The following SART1 variants were observed in gnomAD, a reference collection of about 807,000 sequenced individuals.
The protein encoded by SART1 is spliceosome associated factor 1, recruiter of U4/U6.U5 tri-snRNP.
A neutral mutation model predicts 105.0 loss-of-function variants in SART1; 28 were observed. That is an observed-to-expected ratio of 0.27 (90% CI 0.20 to 0.37). The LOEUF (loss-of-function observed/expected upper bound fraction) is 0.37, where lower values mean the gene tolerates loss of function less well. SART1 is among the 10% of genes least tolerant of loss of function. The probability of loss-of-function intolerance (pLI) is 1.00; values close to 1 mark genes in which losing one functional copy is unlikely to be tolerated. For synonymous variants in SART1, 472 were observed against 462.9 expected (o/e 1.02, Z -0.25); for missense variants, 894 against 1,106.5 (o/e 0.81, Z 2.72).
chr11:65,972,969 G>A (rs1855409960), intron 12 of SART1, among the ~76,000 whole-genome samples: 1 of 152,240 alleles, frequency 6.6e-6, no homozygotes, highest in East Asian at 1.9e-4. Context: ...CAGGAGATGA[G>A]ACCATCCTGG....
At position 65,978,127 on chromosome 11, in the gene SART1, G is replaced by C; in HGVS notation, c.2172+228G>C. The C allele has an allele frequency of 1.7e-6, 1 of 580,356 alleles. No homozygotes were observed. Among genetic ancestry groups the C allele is most frequent in the Non-Finnish European group, 3.1e-6 (1 of 325,942 alleles). The allele number at this position is 580,356 out of a possible 1,614,324, so 36.0% of individuals were successfully genotyped here. The stretch of plus-strand genomic sequence containing the variant: ...CAGTCTCTTTGCAAGCCTGGCAGGA[G>C]GGTCAGACAGGCACTCGGGACCTCT... On this transcript the variant is annotated intron_variant, in intron 17 of 19. Transcript: ENST00000312397. The surrounding 1 kb of genome is among the most constrained non-coding windows in gnomAD (Gnocchi z 6.8).
In SART1 at chr11:65,965,870, G is replaced by A. The variant is rs368302542; in HGVS notation, c.739-17G>A. On this transcript the variant is annotated splice_polypyrimidine_tract_variant and intron_variant, in intron 6 of 19. Transcript: ENST00000312397. Reference sequence around the variant, plus strand: ...GTGCGTGGAGGGAGGTTCCTGACTCGCCGATTCTTCCCTTAGGACCTGTAC... The same window carrying A: ...GTGCGTGGAGGGAGGTTCCTGACTCACCGATTCTTCCCTTAGGACCTGTAC... The A allele has an allele frequency of 3.0e-5, 49 of 1,613,834 alleles. No individual in the cohort carries two copies. The highest frequency in any genetic ancestry group is 3.9e-5 in the Non-Finnish European group (46 of 1,179,794).
chr11:65,967,794 A>G lies in SART1; in HGVS notation c.1545A>G (p.Leu515=). The G allele has an allele frequency of 1.9e-6, 3 of 1,547,054 alleles. No homozygotes were observed. Among genetic ancestry groups the G allele is most frequent in the Admixed American group, 2.0e-5 (1 of 50,534 alleles). ...KGRRLRQLQQ[L]QQLRDSGEKV... is the part of the protein sequence containing the mutation. ...GCCGGCTGCGACAGTTACAGCAGCT[A>G]CAGCAGCTGCGAGACAGTGGCGAGA... is the stretch of plus-strand genomic sequence containing the variant. Residue 515 remains leucine, a synonymous_variant, in exon 12 of 20, where the codon CTA becomes CTG. Transcript: ENST00000312397.
In SART1 at chr11:65,976,745, C is replaced by G. The variant is rs148286104; in HGVS notation, c.1836C>G (p.Asp612Glu). ...ENIGWSTVNLDEEKQQQDFSA... is the reference protein window; with the variant it reads ...ENIGWSTVNLEEEKQQQDFSA... Reference sequence around the variant, plus strand: ...TCGGCTGGAGCACGGTGAACCTGGACGAGGAGAAGCAGCAGCAGGATGTGA... The same window carrying G: ...TCGGCTGGAGCACGGTGAACCTGGAGGAGGAGAAGCAGCAGCAGGATGTGA... The change falls in exon 14 of 20, where the codon GAC becomes GAG. Residue 612 changes from aspartate to glutamate, a missense_variant. Asp to Glu is a conservative substitution (Grantham distance 45). Coordinates refer to ENST00000312397, the MANE Select transcript of SART1 (RefSeq NM_005146.5). The surrounding 1 kb of genome is among the most constrained non-coding windows in gnomAD (Gnocchi z 5.1). The G allele has an allele frequency of 6.8e-5, 110 of 1,611,218 alleles. No homozygotes were observed. Among genetic ancestry groups the G allele is most frequent in the Non-Finnish European group, 8.3e-5 (98 of 1,179,156 alleles).
intron 1 of SART1, among the ~76,000 whole-genome samples, chr11:65,962,388 C>G (rs1407311749): frequency 6.6e-6 from 1 of 152,216 alleles, no homozygotes; most frequent in African/African-American, 2.4e-5. Context: ...CTCCACTCAG[C>G]TGCTTGAGGA....
Position 65,976,907 on chromosome 11 carries a change from G to A in SART1, c.1858-107G>A. On this transcript the variant is annotated intron_variant, in intron 14 of 19. Coordinates refer to ENST00000312397, the MANE Select transcript of SART1 (RefSeq NM_005146.5). This position sits in a 1 kb window ranked among gnomAD's most constrained non-coding sequence, Gnocchi z 5.1. ...CCAGGGCGATCTGAGGAGTAAATGA[G>A]GAAATTAAATGTTGTGGAGGGCTGG... 1 of 1,163,196 alleles carries A rather than the reference G, an allele frequency of 8.6e-7. No individual in the cohort carries two copies. Among genetic ancestry groups the A allele is most frequent in the Non-Finnish European group, 1.3e-6 (1 of 790,274 alleles). The allele number at this position is 1,163,196 out of a possible 1,614,324, so 72.1% of individuals were successfully genotyped here. A position where few individuals can be genotyped will look rare whatever the true frequency, so the allele number is the denominator to read the frequency against.
At chr11:65,972,179 A>C (rs1184676784) in intron 12 of SART1, among the ~76,000 whole-genome samples, 1 of 152,156 alleles carries the variant, frequency 6.6e-6, no homozygotes, top group Non-Finnish European at 1.5e-5. Context: ...AATAGGGATT[A>C]TTTTGGAAGC....
intron 1 of SART1, 134 bp from the exon 2 acceptor site, chr11:65,963,940 C>A: frequency 1.4e-6 from 1 of 694,594 alleles, no homozygotes; most frequent in East Asian, 2.7e-5. Flanking sequence ...GTGGAAGAAG[C>A]TGCTGTTTTC....
chr11:65,965,402 G>A lies in SART1; in HGVS notation c.615G>A (p.Glu205=). Residue 205 remains glutamate, a synonymous_variant, in exon 5 of 20, where the codon GAG becomes GAA. Transcript: ENST00000312397. ...TGGACGACACTGCAGCCTGGATCGA[G>A]AGGAGCCGGCAGCTGCAGAAGGAGA... The part of the protein sequence containing the change: ...PWLDDTAAWI[E]RSRQLQKEKD... The A allele has an allele frequency of 6.3e-7, 1 of 1,575,594 alleles. No individual in the cohort carries two copies. Among genetic ancestry groups the A allele is most frequent in the Non-Finnish European group, 8.6e-7 (1 of 1,160,858 alleles).
At chr11:65,975,662 G>A (rs1855465946) in intron 12 of SART1, among the ~76,000 whole-genome samples, 1 of 152,032 alleles carries the variant, frequency 6.6e-6, no homozygotes, top group South Asian at 2.1e-4. Flanking sequence ...CGCCTCAGAA[G>A]ATTTTTTTAA....
In SART1 at chr11:65,966,450, G is replaced by T; in HGVS notation, c.1082G>T (p.Arg361Leu). Residue 361 changes from arginine to leucine, a missense_variant, in exon 9 of 20, where the codon CGG becomes CTG. Arg to Leu is a moderately radical substitution (Grantham distance 102, BLOSUM62 -2). Transcript: ENST00000312397. Reference protein sequence around the residue: ...LEQGGTADGLRERELEEIRAK... With the variant: ...LEQGGTADGLLERELEEIRAK... ...CAGGGCGGCACGGCTGATGGCCTGCGGGAGCGGGAGCTGGAGGAGATCCGG... is the reference window on the plus strand; with the variant it reads ...CAGGGCGGCACGGCTGATGGCCTGCTGGAGCGGGAGCTGGAGGAGATCCGG... The T allele has an allele frequency of 1.2e-6, 2 of 1,613,228 alleles. No homozygotes were observed. The highest frequency in any genetic ancestry group is 1.3e-5 in the African/African-American group (1 of 75,054).
At position 65,966,581 on chromosome 11, in the gene SART1, C is replaced by G. The variant is rs953201254; in HGVS notation, c.1188+25C>G. 8 of 1,471,508 alleles carry G rather than the reference C, an allele frequency of 5.4e-6. No individual in the cohort carries two copies. In the African/African-American group the frequency reaches 8.5e-5, roughly 16 times the overall value. 91.2% of individuals were successfully genotyped at this position (1,471,508 alleles called of 1,614,324 possible). ...GGTGAGCCCTCCCGTGCCTTATACTCGGGGTCAAGATTCTCCCTCCCTCTG... is the reference window on the plus strand; with the variant it reads ...GGTGAGCCCTCCCGTGCCTTATACTGGGGGTCAAGATTCTCCCTCCCTCTG... On this transcript the variant is annotated intron_variant, in intron 9 of 19. Coordinates refer to ENST00000312397, the MANE Select transcript of SART1 (RefSeq NM_005146.5).
At chr11:65,971,454 AGCT>A (rs1855375847) in intron 12 of SART1, among the ~76,000 whole-genome samples, 3 of 73,036 alleles carry the variant, frequency 4.1e-5, no homozygotes, top group African/African-American at 1.2e-4. Flanking sequence ...GGGATTCATG[AGCT>A]GCTGAGGAGG....
intron 12 of SART1, among the ~76,000 whole-genome samples, chr11:65,973,097 C>G (rs1855413878): frequency 2.0e-5 from 3 of 152,064 alleles, no homozygotes; most frequent in Middle Eastern, 3.4e-3. Context: ...TGGTGTGAAC[C>G]CAGGAGGCGG....
rs1286363670 is a variant in SART1 at position 65,976,046 on chromosome 11, G to A, written c.1573-349G>A. Reference sequence around the variant, plus strand: ...GTCTAGAGTCCTGAAACCGGAGTTTGTCGGGGGAGGGGCAGGTGGCAGGAG... The same window carrying A: ...GTCTAGAGTCCTGAAACCGGAGTTTATCGGGGGAGGGGCAGGTGGCAGGAG... On this transcript the variant is annotated intron_variant, in intron 12 of 19. Coordinates refer to ENST00000312397, the MANE Select transcript of SART1 (RefSeq NM_005146.5). This position sits in a 1 kb window ranked among gnomAD's most constrained non-coding sequence, Gnocchi z 5.1. 6.6e-6 allele frequency among the ~76,000 whole-genome samples: 1 copy of A among 152,122 alleles called. No individual in the cohort carries two copies. The highest frequency in any genetic ancestry group is 2.4e-5 in the African/African-American group (1 of 41,428).
In SART1 at chr11:65,978,074, T is replaced by A; in HGVS notation, c.2172+175T>A. ...GGGCCCTCAGGGCTGAGGAAGGCTGTGCCTCAGTTTGTCTCTAGTGGGCAC... is the reference window on the plus strand; with the variant it reads ...GGGCCCTCAGGGCTGAGGAAGGCTGAGCCTCAGTTTGTCTCTAGTGGGCAC... On this transcript the variant is annotated intron_variant, in intron 17 of 19. Coordinates refer to ENST00000312397, the MANE Select transcript of SART1 (RefSeq NM_005146.5). This position sits in a 1 kb window ranked among gnomAD's most constrained non-coding sequence, Gnocchi z 6.8. 1.5e-6 allele frequency: 1 copy of A among 673,020 alleles called. No homozygotes were observed. Among genetic ancestry groups the A allele is most frequent in the Non-Finnish European group, 2.5e-6 (1 of 401,974 alleles). The allele number at this position is 673,020 out of a possible 1,614,324, so 41.7% of individuals were successfully genotyped here.
intron 12 of SART1, among the ~76,000 whole-genome samples, chr11:65,970,113 C>T (rs1855343392): frequency 6.6e-6 from 1 of 152,162 alleles, no homozygotes; most frequent in South Asian, 2.1e-4. Context: ...CCTTTGTCCT[C>T]TAGAGTCAGT....
In SART1 at chr11:65,979,504, A is replaced by C; in HGVS notation, c.*474A>C. ...CCCTGGTCTGTGTCTAGAGGAGTGA[A>C]ACTCCCAGGGTTGGGCTGGGAGTAT... On this transcript the variant is annotated 3_prime_UTR_variant, in exon 20 of 20. Coordinates refer to ENST00000312397, the MANE Select transcript of SART1 (RefSeq NM_005146.5). 5.6e-6 allele frequency: 1 copy of C among 177,532 alleles called. No homozygotes were observed. The highest frequency in any genetic ancestry group is 1.2e-5 in the Non-Finnish European group (1 of 84,358). 11.0% of individuals were successfully genotyped at this position (177,532 alleles called of 1,614,324 possible). A position where few individuals can be genotyped will look rare whatever the true frequency, so the allele number is the denominator to read the frequency against.
chr11:65,976,659 T>C lies in SART1; in HGVS notation c.1750T>C (p.Phe584Leu), dbSNP rs1855486670. 1 of 1,613,566 alleles carries C rather than the reference T, an allele frequency of 6.2e-7. No homozygotes were observed. The highest frequency in any genetic ancestry group is 1.1e-5 in the South Asian group (1 of 91,066). Residue 584 changes from phenylalanine to leucine, a missense_variant, in exon 14 of 20, where the codon TTT (phenylalanine) becomes CTT (leucine). Phe to Leu is a conservative substitution (Grantham distance 22). Coordinates refer to ENST00000312397, the MANE Select transcript of SART1 (RefSeq NM_005146.5). The surrounding 1 kb of genome is among the most constrained non-coding windows in gnomAD (Gnocchi z 5.1). ...ACCCTGGTCTTTTGTGCCCCAGGAC[T>C]TTGAACGGGATGAGGAGCGCTCAGC... ...NREEQEELMD[F>L]ERDEERSANG...
Sources: allele counts gnomAD v4.1 joint callset (sites outside exome capture counted in the v4.1 genomes callset), GRCh38; gene constraint gnomAD v4.1.1; non-coding constraint Gnocchi (gnomAD v3.1); transcripts MANE v1.5; gene names NCBI Gene and HGNC (gene_info 2026-07-23, HGNC 2026-07-21).